The following SCHIP1 variants were observed in gnomAD, a reference collection of about 807,000 sequenced individuals.
The protein encoded by SCHIP1 is schwannomin interacting protein 1.
A neutral mutation model predicts 29.7 loss-of-function variants in SCHIP1; 8 were observed. The observed-to-expected ratio is 0.27, with a 90% CI of 0.16 to 0.49. The LOEUF (loss-of-function observed/expected upper bound fraction) is 0.49. SCHIP1 is among the 20% of genes least tolerant of loss of function. The pLI, the probability that SCHIP1 is intolerant of heterozygous loss-of-function variation, is 0.99. For synonymous variants in SCHIP1, 76 were observed against 94.9 expected (o/e 0.80, Z 1.16); for missense variants, 193 against 294.6 (o/e 0.66, Z 2.52).
the SCHIP1 span, among the ~76,000 whole-genome samples, chr3:159,425,505 A>G: frequency 6.6e-6 from 1 of 152,138 alleles, no homozygotes; most frequent in Non-Finnish European, 1.5e-5. Flanking sequence ...TCCTAAATAT[A>G]TATGCGCCCA....
the SCHIP1 span, among the ~76,000 whole-genome samples, chr3:159,580,242 G>A: frequency 2.6e-5 from 4 of 152,114 alleles, no homozygotes. Context: ...GCTCTACCAG[G>A]ATTCTGATTT....
At chr3:159,306,852 A>G in the SCHIP1 span, among the ~76,000 whole-genome samples, 1 of 152,218 alleles carries the variant, frequency 6.6e-6, no homozygotes. Context: ...GTAATATGGT[A>G]ATTCTTATAC....
chr3:159,273,924 A>G, the SCHIP1 span: 1 of 1,607,222 alleles, frequency 6.2e-7, no homozygotes, highest in Non-Finnish European at 8.5e-7. Context: ...TAGGTGTATC[A>G]TATTTTTACA....
chr3:159,721,721 T>C, the SCHIP1 span: 6 of 417,554 alleles, frequency 1.4e-5, no homozygotes, highest in Non-Finnish European at 2.8e-5. Context: ...CAGCATATAT[T>C]CACAGCCATG....
chr3:159,569,626 C>T, the SCHIP1 span, among the ~76,000 whole-genome samples: 3,428 of 152,240 alleles, frequency 0.023, 119 homozygotes, highest in East Asian at 0.18. Flanking sequence ...CTGCAATAAA[C>T]ATACAGGTGC....
the SCHIP1 span, among the ~76,000 whole-genome samples, chr3:159,787,448 C>T: frequency 6.6e-6 from 1 of 152,164 alleles, no homozygotes. Context: ...TGGGCCCTGC[C>T]CCAGAGGCTG....
At chr3:159,566,901 G>A in the SCHIP1 span, among the ~76,000 whole-genome samples, 1 of 152,200 alleles carries the variant, frequency 6.6e-6, no homozygotes, top group Non-Finnish European at 1.5e-5. Context: ...AGTTTTGCTA[G>A]ATATTGCCAA....
At chr3:159,729,177 G>T in the SCHIP1 span, among the ~76,000 whole-genome samples, 3 of 151,940 alleles carry the variant, frequency 2.0e-5, no homozygotes, top group Non-Finnish European at 4.4e-5. Context: ...AAAAAGAAAA[G>T]AAAAGAAAGA....
the SCHIP1 span, among the ~76,000 whole-genome samples, chr3:159,294,499 A>C: frequency 3.3e-5 from 5 of 152,330 alleles, no homozygotes; most frequent in African/African-American, 1.2e-4. Flanking sequence ...CTGAGATTTG[A>C]CATGACGTTT....
the SCHIP1 span, among the ~76,000 whole-genome samples, chr3:159,579,290 T>C: frequency 3.1e-4 from 47 of 152,120 alleles, no homozygotes; most frequent in Non-Finnish European, 1.0e-4. Flanking sequence ...ATTCCTTCTA[T>C]TAATTGGTAG....
the SCHIP1 span, among the ~76,000 whole-genome samples, chr3:159,571,340 G>A: frequency 6.6e-6 from 1 of 152,200 alleles, no homozygotes; most frequent in Non-Finnish European, 1.5e-5. Context: ...TTAGCATGAA[G>A]ATCTGTTGAA....
chr3:159,857,147 T>C (rs1560084967), intron 1 of SCHIP1, among the ~76,000 whole-genome samples: 1 of 152,220 alleles, frequency 6.6e-6, no homozygotes, highest in Non-Finnish European at 1.5e-5. Flanking sequence ...TAAAGCTTCC[T>C]GGCTCGTGGT....
intron 1 of SCHIP1, among the ~76,000 whole-genome samples, chr3:159,847,482 A>T (rs1006600824): frequency 4.6e-5 from 7 of 152,228 alleles, no homozygotes; most frequent in Admixed American, 3.9e-4. Context: ...AAACTGCTTG[A>T]ATTCAAAAGA....
At chr3:159,803,170 GGTGTGTAT>G in the SCHIP1 span, among the ~76,000 whole-genome samples, 1 of 146,946 alleles carries the variant, frequency 6.8e-6, no homozygotes, top group African/African-American at 2.6e-5. Context: ...CCAGCTAAAA[GGTGTGTAT>G]GTGTGTGTGT....
At chr3:159,380,424 C>T in the SCHIP1 span, among the ~76,000 whole-genome samples, 3 of 152,088 alleles carry the variant, frequency 2.0e-5, no homozygotes, top group Non-Finnish European at 4.4e-5. Context: ...ATGTAGGCCA[C>T]CCAAATTCTA....
the SCHIP1 span, among the ~76,000 whole-genome samples, chr3:159,752,366 A>C: frequency 1.3e-5 from 2 of 152,098 alleles, no homozygotes; most frequent in East Asian, 1.9e-4. Context: ...TAACCATTTA[A>C]TTTTTTTAAT....
chr3:159,838,172 G>A (rs575439939), upstream of SCHIP1, among the ~76,000 whole-genome samples: 1 of 152,298 alleles, frequency 6.6e-6, no homozygotes, highest in Admixed American at 6.5e-5. Context: ...CAAGGGAGTC[G>A]AATTGAGATA....
chr3:159,415,511 C>T, the SCHIP1 span, among the ~76,000 whole-genome samples: 1 of 152,048 alleles, frequency 6.6e-6, no homozygotes, highest in African/African-American at 2.4e-5. Context: ...TATGAGTTCT[C>T]GTCATTGAAT....
the SCHIP1 span, among the ~76,000 whole-genome samples, chr3:159,448,585 AG>A: frequency 2.9e-3 from 445 of 152,280 alleles, 7 homozygotes; most frequent in African/African-American, 9.5e-3. Context: ...TATAATTTTA[AG>A]ATTTGCCATA....
Sources: gnomAD v4.1 joint callset for allele counts (sites outside exome capture counted in the v4.1 genomes callset) on GRCh38, gnomAD v4.1.1 for gene constraint, MANE v1.5 for transcripts, NCBI Gene and HGNC (gene_info 2026-07-23, HGNC 2026-07-21) for gene names.